The following PLXNA4 variants were observed in gnomAD, a reference collection of about 807,000 sequenced individuals.
The protein encoded by PLXNA4 is plexin A4, also known as plexin-A4.
A neutral mutation model predicts 191.8 loss-of-function variants in PLXNA4; 44 were observed. That is an observed-to-expected ratio of 0.23 (90% confidence interval 0.18 to 0.29). The LOEUF (loss-of-function observed/expected upper bound fraction) is 0.29. PLXNA4 is among the 10% of genes least tolerant of loss of function. The pLI, the probability that PLXNA4 is intolerant of heterozygous loss-of-function variation, is 1.00. For missense variants in PLXNA4, 1,800 were observed against 2,488.8 expected (o/e 0.72, Z 5.89); for synonymous variants, 1,082 against 1,009.5 (o/e 1.07, Z -1.36).
chr7:132,151,657 A>G (rs1795649323), intron 25 of PLXNA4, among the ~76,000 whole-genome samples: 1 of 152,040 alleles, frequency 6.6e-6, no homozygotes, highest in African/African-American at 2.4e-5. Context: ...AGGAAGAAGA[A>G]GAAAGTAGTA....
At chr7:132,228,691 TGA>T (rs1420335636) in intron 5 of PLXNA4, among the ~76,000 whole-genome samples, 1 of 152,200 alleles carries the variant, frequency 6.6e-6, no homozygotes, top group Non-Finnish European at 1.5e-5. Context: ...GGCAGAAACT[TGA>T]GAGTCATCCT....
At chr7:132,373,648 G>A (rs1283006789) in intron 3 of PLXNA4, among the ~76,000 whole-genome samples, 2 of 152,172 alleles carry the variant, frequency 1.3e-5, no homozygotes, top group East Asian at 3.9e-4. Context: ...AAACCCCTGG[G>A]CCTTCACTGT....
chr7:132,414,638 C>G (rs995508977), intron 3 of PLXNA4, among the ~76,000 whole-genome samples: 1 of 152,180 alleles, frequency 6.6e-6, no homozygotes, highest in Non-Finnish European at 1.5e-5. Context: ...CCCATAACCA[C>G]AGAAAGTACT....
intron 3 of PLXNA4, among the ~76,000 whole-genome samples, chr7:132,383,241 C>G (rs1438988702): frequency 2.0e-5 from 3 of 152,122 alleles, no homozygotes; most frequent in African/African-American, 7.2e-5. Context: ...GAAAAGACCC[C>G]CTCACTGCTG....
intron 3 of PLXNA4, among the ~76,000 whole-genome samples, chr7:132,390,579 T>C (rs1193441705): frequency 6.6e-6 from 1 of 151,864 alleles, no homozygotes; most frequent in Non-Finnish European, 1.5e-5. Flanking sequence ...TAAAAAATAA[T>C]AACAATAAAA....
rs190769373 is a variant in PLXNA4, at chr7:132,350,314, G to C, written c.1372-52092C>G. On this transcript the variant is annotated intron_variant, in intron 3 of 31. Transcript: ENST00000321063. ...AGGTCAGGAGTTTGAGACCAGCCTG[G>C]CCAACATGGTGAAACCCTCATCTCT... Among the ~76,000 whole-genome samples, 11 of 152,170 alleles carry C rather than the reference G, an allele frequency of 7.2e-5. No homozygotes were observed. In the East Asian group the frequency reaches 9.7e-4, roughly 13 times the overall value.
rs1025473137 is a variant in PLXNA4, at chr7:132,435,418, C to T, written c.1371+53874G>A. Among the ~76,000 whole-genome samples the T allele has an allele frequency of 2.0e-5, 3 of 152,170 alleles. No homozygotes were observed. The East Asian group carries it at 5.9e-4, about 30-fold the overall frequency. ...GTTCTAATCGGCCCCGTGGATGGAG[C>T]CTGCAGACCCAGAAATGGCCTCCAG... On this transcript the variant is annotated intron_variant, in intron 3 of 31. Coordinates refer to ENST00000321063, the MANE Select transcript of PLXNA4 (RefSeq NM_020911.2).
chr7:132,614,393 C>A (rs1180594000), intron 2 of PLXNA4, among the ~76,000 whole-genome samples: 1 of 152,176 alleles, frequency 6.6e-6, no homozygotes, highest in Non-Finnish European at 1.5e-5. Context: ...AGGTCTAGTG[C>A]CATAGCGGGA....
Position 132,615,460 on chromosome 7 carries a change from G to C in PLXNA4, c.-87+30468C>G, listed in dbSNP as rs1308324119. ...CCACCGCAGGCGGCCCGCAGTGCCCGGCCTCAGCGTCCCTGGGGCTCTGGG... is the reference window on the plus strand; with the variant it reads ...CCACCGCAGGCGGCCCGCAGTGCCCCGCCTCAGCGTCCCTGGGGCTCTGGG... On this transcript the variant is annotated intron_variant, in intron 2 of 4. Transcript: ENST00000378539. 3.3e-5 allele frequency among the ~76,000 whole-genome samples: 5 copies of C among 152,166 alleles called. No homozygotes were observed. In the South Asian group the frequency reaches 1.0e-3, roughly 32 times the overall value.
intron 3 of PLXNA4, among the ~76,000 whole-genome samples, chr7:132,321,343 G>A (rs1802157062): frequency 6.6e-6 from 1 of 151,752 alleles, no homozygotes; most frequent in South Asian, 2.1e-4. Flanking sequence ...AGTTACCCTA[G>A]CGTGTCTGTG....
In PLXNA4 at chr7:132,461,235, C is replaced by T. The variant is rs953535910; in HGVS notation, c.1371+28057G>A. On this transcript the variant is annotated intron_variant, in intron 3 of 31. Transcript: ENST00000321063. ...ACAATATGTAAATGAGGGAGTGGGACTGAATCTGGCCTCTTCCTCTGATCC... is the reference window on the plus strand; with the variant it reads ...ACAATATGTAAATGAGGGAGTGGGATTGAATCTGGCCTCTTCCTCTGATCC... 3.3e-5 allele frequency among the ~76,000 whole-genome samples: 5 copies of T among 152,274 alleles called. No homozygotes were observed. The South Asian group carries it at 8.3e-4, about 25-fold the overall frequency.
intron 12 of PLXNA4, among the ~76,000 whole-genome samples, chr7:132,198,883 A>C (rs1797343534): frequency 6.6e-6 from 1 of 152,222 alleles, no homozygotes; most frequent in South Asian, 2.1e-4. Context: ...ATTTCATAGA[A>C]GAGATGAGAG....
intron 1 of PLXNA4, among the ~76,000 whole-genome samples, chr7:132,549,796 G>C (rs1156543438): frequency 6.6e-6 from 1 of 151,540 alleles, no homozygotes; most frequent in Non-Finnish European, 1.5e-5. Flanking sequence ...GTTTGTTTGG[G>C]GAGCAGCATG....
At chr7:132,540,809 G>C (rs1217561230) in intron 1 of PLXNA4, among the ~76,000 whole-genome samples, 1 of 150,184 alleles carries the variant, frequency 6.7e-6, no homozygotes, top group Non-Finnish European at 1.5e-5. Flanking sequence ...GGATGGTCTC[G>C]ATCTCCTGAC....
At chr7:132,247,187 A>G (rs978013227) in intron 4 of PLXNA4, among the ~76,000 whole-genome samples, 1 of 152,128 alleles carries the variant, frequency 6.6e-6, no homozygotes, top group Non-Finnish European at 1.5e-5. Flanking sequence ...TGCTGATTAC[A>G]TTCAGAAATG....
intron 2 of PLXNA4, among the ~76,000 whole-genome samples, chr7:132,625,390 A>G (rs1049428297): frequency 1.3e-5 from 2 of 152,182 alleles, no homozygotes; most frequent in African/African-American, 2.4e-5. Context: ...GCTAATACAC[A>G]TTATGTGAGT....
In PLXNA4 at chr7:132,507,568, G is replaced by A. The variant is rs151233036; in HGVS notation, c.1126C>T (p.Arg376Trp). ...RIKERLQSCYRGEGTLDLAWL... is the reference protein window; with the variant it reads ...RIKERLQSCYWGEGTLDLAWL... ...GCCAGGTCCAGCGTGCCCTCGCCCC[G>A]GTAACAAGACTGCAGCCGCTCCTTA... The change falls in exon 2 of 32, where the codon CGG becomes TGG. Residue 376 changes from arginine (R) to tryptophan (W), a missense_variant. By Grantham distance (101) the Arg-to-Trp change is moderately radical (BLOSUM62 -3). This residue lies in a region of PLXNA4 where 1,397 missense variants were observed against 1,880.4 expected (regional missense o/e 0.74). Transcript: ENST00000321063. The A allele has an allele frequency of 1.3e-5, 21 of 1,613,918 alleles. No individual in the cohort carries two copies. Among genetic ancestry groups the A allele is most frequent in the Middle Eastern group, 1.6e-4 (1 of 6,084 alleles).
chr7:132,474,326 T>C (rs933359691), intron 3 of PLXNA4, among the ~76,000 whole-genome samples: 4 of 151,220 alleles, frequency 2.6e-5, no homozygotes, highest in African/African-American at 9.7e-5. Flanking sequence ...TGTAAAACAT[T>C]TATCCTGTAG....
intron 30 of PLXNA4, among the ~76,000 whole-genome samples, chr7:132,137,859 ATGAG>A (rs1363179048): frequency 2.0e-5 from 3 of 151,476 alleles, no homozygotes; most frequent in Admixed American, 6.6e-5. Flanking sequence ...GGGTAAGAGA[ATGAG>A]TGAGAGGAGA....
Sources: allele counts gnomAD v4.1 joint callset (sites outside exome capture counted in the v4.1 genomes callset), GRCh38; gene constraint gnomAD v4.1.1; regional missense constraint gnomAD v4.1.1; transcripts MANE v1.5; gene names NCBI Gene and HGNC (gene_info 2026-07-23, HGNC 2026-07-21).